ERI1: variants seen among roughly 807,000 people sequenced by gnomAD.
The protein encoded by ERI1 is exoribonuclease 1.
ERI1 carries 39 observed loss-of-function variants against 39.7 expected under a neutral mutation model. That is an observed-to-expected ratio of 0.98 (90% CI 0.76 to 1.28). The LOEUF (loss-of-function observed/expected upper bound fraction) is 1.28, where lower values mean the gene tolerates loss of function less well. Ranked by LOEUF, ERI1 falls within the 50% of genes most tolerant of loss-of-function variation. The pLI, the probability that ERI1 is intolerant of heterozygous loss-of-function variation, is 0.00. For synonymous variants in ERI1, 204 were observed against 149.6 expected (o/e 1.36, Z -2.65); for missense variants, 581 against 416.9 (o/e 1.39, Z -3.43).
intron 3 of ERI1, among the ~76,000 whole-genome samples, chr8:9,059,869 G>C (rs944970374): frequency 2.0e-5 from 3 of 152,200 alleles, no homozygotes; most frequent in Non-Finnish European, 2.9e-5. Context: ...ACAGAAGATA[G>C]TAGGGATGAC....
At chr8:9,060,243 G>A (rs532058740) in intron 3 of ERI1, among the ~76,000 whole-genome samples, 1 of 152,156 alleles carries the variant, frequency 6.6e-6, no homozygotes, top group Admixed American at 6.5e-5. Context: ...CCAAACCGAG[G>A]AATTATGTCT....
intron 3 of ERI1, among the ~76,000 whole-genome samples, chr8:9,093,776 C>A (rs577411753): frequency 1.3e-5 from 2 of 152,226 alleles, no homozygotes; most frequent in African/African-American, 4.8e-5. Context: ...GGAGTTTCAC[C>A]ACATTGTCCA....
chr8:9,069,472 G>A (rs535625572), intron 3 of ERI1, among the ~76,000 whole-genome samples: 2 of 152,264 alleles, frequency 1.3e-5, no homozygotes, highest in South Asian at 4.1e-4. Context: ...TGGATCAAAG[G>A]GGACTGTATC....
At chr8:9,009,817 C>A (rs1415795489) in intron 2 of ERI1, among the ~76,000 whole-genome samples, 1 of 152,186 alleles carries the variant, frequency 6.6e-6, no homozygotes, top group Non-Finnish European at 1.5e-5. Flanking sequence ...TAGACGTGAG[C>A]CATCTGGCTG....
At chr8:9,006,270 C>T (rs1816012295) in intron 1 of ERI1, among the ~76,000 whole-genome samples, 1 of 152,172 alleles carries the variant, frequency 6.6e-6, no homozygotes, top group African/African-American at 2.4e-5. Context: ...TCTAGAACTT[C>T]ACTGAAGGAA....
At position 9,027,060 on chromosome 8, in the gene ERI1, G is replaced by A. The variant is rs181849931; in HGVS notation, c.808-2732G>A. ...CTCCACATTGTTTCCCACAGTGGCT[G>A]TACCATTTTACATTCCTGCCAGCAA... On this transcript the variant is annotated intron_variant, in intron 6 of 6. Coordinates refer to ENST00000250263, the MANE Select transcript of ERI1 (RefSeq NM_153332.4). Among the ~76,000 whole-genome samples, 4 of 152,032 alleles carry A rather than the reference G, an allele frequency of 2.6e-5. No homozygotes were observed. The East Asian group carries it at 7.7e-4, about 29-fold the overall frequency.
At chr8:9,044,803 G>C (rs933430974) in intron 3 of ERI1, among the ~76,000 whole-genome samples, 2 of 152,080 alleles carry the variant, frequency 1.3e-5, no homozygotes, top group African/African-American at 4.8e-5. Flanking sequence ...TCAATGTGCA[G>C]ATAGAGATTC....
In ERI1 at chr8:9,038,453, T is replaced by G. The variant is rs184829977; in HGVS notation, n.299+17989T>G. ...TACTATCATACATCTTTGTAACAAG[T>G]GTATATACATTTAAAATTATATATG... On this transcript the variant is annotated intron_variant and non_coding_transcript_variant, in intron 3 of 3. Transcript: ENST00000518663. Among the ~76,000 whole-genome samples the G allele has an allele frequency of 2.6e-5, 4 of 152,352 alleles. No individual in the cohort carries two copies. The East Asian group carries it at 7.7e-4, about 29-fold the overall frequency.
rs756956573 is a variant in ERI1 at position 9,020,488 on chromosome 8, T to A, written c.807+24T>A. On this transcript the variant is annotated intron_variant, in intron 6 of 6. Transcript: ENST00000250263. ...AGGTAAAATTTCTATATTTAATAAT[T>A]ACGTGGTTCTTAATGATAAATTTGT... is the stretch of plus-strand genomic sequence containing the variant. The A allele has an allele frequency of 2.2e-6, 3 of 1,376,990 alleles. No individual in the cohort carries two copies. The East Asian group carries it at 7.1e-5, about 33-fold the overall frequency. 85.3% of individuals were successfully genotyped at this position (1,376,990 alleles called of 1,614,324 possible).
chr8:9,058,547 C>A (rs2117390850), intron 3 of ERI1, among the ~76,000 whole-genome samples: 1 of 152,242 alleles, frequency 6.6e-6, no homozygotes, highest in East Asian at 1.9e-4. Context: ...TTCATGTATT[C>A]CTGTTTAACA....
chr8:9,003,504 C>G (rs982242964), intron 1 of ERI1, among the ~76,000 whole-genome samples: 10 of 152,172 alleles, frequency 6.6e-5, no homozygotes, highest in African/African-American at 2.4e-4. Context: ...GGGTAGTTTG[C>G]AAGGCTTTAT....
At chr8:9,026,587 T>C (rs931545832) in intron 6 of ERI1, among the ~76,000 whole-genome samples, 2 of 152,172 alleles carry the variant, frequency 1.3e-5, no homozygotes, top group Non-Finnish European at 2.9e-5. Context: ...AGAATAAGAA[T>C]TCATTGTATG....
intron 3 of ERI1, among the ~76,000 whole-genome samples, chr8:9,046,539 G>C (rs1258996006): frequency 2.0e-5 from 3 of 152,164 alleles, no homozygotes; most frequent in Admixed American, 6.5e-5. Flanking sequence ...TGCAATTAAA[G>C]AGCCCAGTGA....
chr8:9,028,291 A>G (rs1317165819), intron 6 of ERI1, among the ~76,000 whole-genome samples: 5 of 152,124 alleles, frequency 3.3e-5, no homozygotes, highest in South Asian at 2.1e-4. Flanking sequence ...TTGTAATTCA[A>G]TTATTGTTAA....
chr8:9,070,397 A>G (rs558059597), intron 3 of ERI1, among the ~76,000 whole-genome samples: 6 of 152,344 alleles, frequency 3.9e-5, no homozygotes, highest in Admixed American at 1.3e-4. Context: ...CTGAGGCCAA[A>G]GGATGGCTTG....
At chr8:9,077,553 G>C (rs1234343125) in intron 3 of ERI1, among the ~76,000 whole-genome samples, 1 of 152,194 alleles carries the variant, frequency 6.6e-6, no homozygotes, top group East Asian at 1.9e-4. Context: ...GTGGTGATGA[G>C]ATGTGGGAGA....
chr8:9,010,925 C>T (rs1191071264), intron 2 of ERI1, among the ~76,000 whole-genome samples: 3 of 152,072 alleles, frequency 2.0e-5, no homozygotes, highest in Non-Finnish European at 4.4e-5. Flanking sequence ...AGTTAAGAAC[C>T]TACTAGTGTG....
chr8:9,056,206 G>A (rs1798500948), intron 3 of ERI1, among the ~76,000 whole-genome samples: 1 of 152,274 alleles, frequency 6.6e-6, no homozygotes, highest in Admixed American at 6.5e-5. Flanking sequence ...TCCGCTGGAA[G>A]TGGAAGACAC....
At chr8:9,081,615 T>A (rs7009724) in intron 3 of ERI1, among the ~76,000 whole-genome samples, 3 of 151,656 alleles carry the variant, frequency 2.0e-5, no homozygotes, top group South Asian at 2.1e-4. Flanking sequence ...CTCAGAATTC[T>A]TGTCTTCCCT....
Sources: allele counts gnomAD v4.1 joint callset (sites outside exome capture counted in the v4.1 genomes callset), GRCh38; gene constraint gnomAD v4.1.1; transcripts MANE v1.5; gene names NCBI Gene and HGNC (gene_info 2026-07-23, HGNC 2026-07-21).